Variants in PDSS1 observed in about 807,000 individuals in gnomAD.
PDSS1 encodes the protein all trans-polyprenyl-diphosphate synthase PDSS1.
A neutral mutation model predicts 57.5 loss-of-function variants in PDSS1; 43 were observed. The ratio of observed to expected loss-of-function variants is 0.75; its 90% CI spans 0.59 to 0.96. PDSS1 has a LOEUF of 0.96. Among genes scored for constraint, PDSS1 ranks in the 50% least tolerant of loss-of-function variants. The pLI, the probability that PDSS1 is intolerant of heterozygous loss-of-function variation, is 0.00. For synonymous variants in PDSS1, 175 were observed against 191.3 expected (o/e 0.91, Z 0.70); for missense variants, 438 against 527.8 (o/e 0.83, Z 1.67).
chr10:26,746,099 G>A, intron 11 of PDSS1, among the ~76,000 whole-genome samples: 1 of 152,130 alleles, frequency 6.6e-6, no homozygotes, highest in East Asian at 1.9e-4. Flanking sequence ...ATATTGATGA[G>A]CTAGTTGCTT....
chr10:26,709,738 G>A lies in PDSS1; in HGVS notation c.437G>A (p.Arg146Gln), dbSNP rs369956660. 25 of 1,613,966 alleles carry A rather than the reference G, an allele frequency of 1.5e-5. No individual in the cohort carries two copies. In the African/African-American group the frequency reaches 1.9e-4, roughly 12 times the overall value. The change falls in exon 5 of 12, where the codon CGA becomes CAA. Residue 146 changes from arginine to glutamine, a missense_variant. Coordinates refer to ENST00000376215, the MANE Select transcript of PDSS1 (RefSeq NM_014317.5). Reference sequence around the variant, plus strand: ...CCAATTATTGTGGCGCTAATGGCCCGAGCATGCAATATTCATCATAACAAC... The same window carrying A: ...CCAATTATTGTGGCGCTAATGGCCCAAGCATGCAATATTCATCATAACAAC... Reference protein sequence around the residue: ...FRPIIVALMARACNIHHNNSR... With the variant: ...FRPIIVALMAQACNIHHNNSR...
intron 1 of PDSS1, among the ~76,000 whole-genome samples, chr10:26,698,738 G>T (rs1309924063): frequency 5.3e-5 from 8 of 152,204 alleles, no homozygotes; most frequent in African/African-American, 1.9e-4. Context: ...ATGTGTCCGT[G>T]TTCTCATCAA....
At chr10:26,700,132 A>C (rs1834999853) in intron 1 of PDSS1, among the ~76,000 whole-genome samples, 2 of 151,954 alleles carry the variant, frequency 1.3e-5, no homozygotes, top group African/African-American at 4.8e-5. Flanking sequence ...TGTGCATGTG[A>C]TCGTGCCAAA....
At chr10:26,714,171 AG>A (rs1835484768) in intron 5 of PDSS1, among the ~76,000 whole-genome samples, 1 of 152,082 alleles carries the variant, frequency 6.6e-6, no homozygotes, top group Non-Finnish European at 1.5e-5. Flanking sequence ...TAAAGAACCC[AG>A]ATCAAAAAAG....
chr10:26,733,135 G>A (rs781222540), intron 8 of PDSS1, among the ~76,000 whole-genome samples: 5 of 152,144 alleles, frequency 3.3e-5, no homozygotes, highest in Non-Finnish European at 5.9e-5. Flanking sequence ...CAGGAAGAAA[G>A]CTTATAGTCT....
chr10:26,745,054 C>G (rs1365925311), intron 11 of PDSS1, among the ~76,000 whole-genome samples: 1 of 151,986 alleles, frequency 6.6e-6, no homozygotes, highest in African/African-American at 2.4e-5. Flanking sequence ...ATCCTAGCTA[C>G]TTAGGAGGCT....
At chr10:26,722,254 T>C (rs965200939) in intron 6 of PDSS1, among the ~76,000 whole-genome samples, 2 of 152,220 alleles carry the variant, frequency 1.3e-5, no homozygotes, top group East Asian at 3.8e-4. Flanking sequence ...TACATCAGGA[T>C]GTCTTACATA....
intron 1 of PDSS1, among the ~76,000 whole-genome samples, chr10:26,700,050 C>T (rs571447218): frequency 6.6e-6 from 1 of 152,316 alleles, no homozygotes; most frequent in Non-Finnish European, 1.5e-5. Flanking sequence ...AGCTCTACTA[C>T]CTCCTAATGG....
chr10:26,700,652 C>T (rs374987511), intron 1 of PDSS1, among the ~76,000 whole-genome samples: 12 of 151,998 alleles, frequency 7.9e-5, no homozygotes, highest in East Asian at 5.8e-4. Flanking sequence ...TGTCTCCTGC[C>T]GCCTTGTGAA....
At position 26,742,565 on chromosome 10, in the gene PDSS1, G is replaced by A; in HGVS notation, c.1095G>A (p.Gln365=). 1 of 1,604,600 alleles carries A rather than the reference G, an allele frequency of 6.2e-7. No individual in the cohort carries two copies. The highest frequency in any genetic ancestry group is 8.5e-7 in the Non-Finnish European group (1 of 1,171,802). The stretch of plus-strand genomic sequence containing the variant: ...CTGGAGATGTAGACAGAGCTCGACA[G>A]TATGTACTACAGGTAAGACTGTTTT... The part of the protein sequence containing the change: ...SLPGDVDRAR[Q]YVLQSDGVQQ... Residue 365 remains glutamine (Q), a synonymous_variant, in exon 11 of 12, where the codon CAG becomes CAA. Transcript: ENST00000376215.
intron 3 of PDSS1, among the ~76,000 whole-genome samples, chr10:26,705,018 G>C (rs959483703): frequency 6.6e-6 from 1 of 152,074 alleles, no homozygotes; most frequent in Non-Finnish European, 1.5e-5. Flanking sequence ...AATAAAGTTT[G>C]AGCTCAACCC....
chr10:26,714,373 G>A (rs1381549751), intron 5 of PDSS1, among the ~76,000 whole-genome samples: 1 of 151,970 alleles, frequency 6.6e-6, no homozygotes, highest in Non-Finnish European at 1.5e-5. Flanking sequence ...TACTCAGGAG[G>A]CTGGGGCAGG....
At chr10:26,722,030 T>C (rs1268724845) in intron 6 of PDSS1, among the ~76,000 whole-genome samples, 1 of 152,122 alleles carries the variant, frequency 6.6e-6, no homozygotes, top group Non-Finnish European at 1.5e-5. Flanking sequence ...AGCACTTCTT[T>C]CCTTTAACTC....
intron 5 of PDSS1, among the ~76,000 whole-genome samples, chr10:26,719,207 G>C (rs933133643): frequency 6.6e-6 from 1 of 152,070 alleles, no homozygotes; most frequent in Non-Finnish European, 1.5e-5. Flanking sequence ...TGGTTATTTC[G>C]CCAGTTTGAT....
chr10:26,745,828 A>AGAG (rs1274704635), intron 11 of PDSS1, among the ~76,000 whole-genome samples: 65 of 152,160 alleles, frequency 4.3e-4, no homozygotes, highest in Non-Finnish European at 3.8e-4. Context: ...CTTGGGTGAC[A>AGAG]GAGTGAGACC....
rs1316262436 is a variant in PDSS1, at chr10:26,745,540, A to G, written c.1108-793A>G. On this transcript the variant is annotated intron_variant, in intron 11 of 11. Coordinates refer to ENST00000376215, the MANE Select transcript of PDSS1 (RefSeq NM_014317.5). ...AAAAAGGTAACAGGTAATAACTAAA[A>G]TTGGTAATCAAGAAATAAAAACTAG... is the stretch of plus-strand genomic sequence containing the variant. Among the ~76,000 whole-genome samples, 86 of 152,228 alleles carry G rather than the reference A, an allele frequency of 5.6e-4. 1 individual carries two copies. Among genetic ancestry groups the G allele is most frequent in the Non-Finnish European group, 2.5e-4 (17 of 68,002 alleles).
At chr10:26,738,609 T>G (rs187820079) in intron 10 of PDSS1, among the ~76,000 whole-genome samples, 104 of 152,296 alleles carry the variant, frequency 6.8e-4, no homozygotes, top group African/African-American at 2.4e-3. Flanking sequence ...TCCTTTCCCT[T>G]TGGTAGGTGA....
intron 11 of PDSS1, among the ~76,000 whole-genome samples, chr10:26,744,848 T>C (rs1046034887): frequency 6.6e-6 from 1 of 152,088 alleles, no homozygotes; most frequent in Non-Finnish European, 1.5e-5. Flanking sequence ...TCAACCACAA[T>C]GTTAGGAATA....
Position 26,735,410 on chromosome 10 carries a change from A to G in PDSS1, c.913-56A>G, listed in dbSNP as rs1405189241. 1.1e-5 allele frequency: 15 copies of G among 1,391,818 alleles called. No individual in the cohort carries two copies. The Admixed American group carries it at 2.2e-4, about 20-fold the overall frequency. The allele number at this position is 1,391,818 out of a possible 1,614,324, so 86.2% of individuals were successfully genotyped here. A position where few individuals can be genotyped will look rare whatever the true frequency, so the allele number is the denominator to read the frequency against. Reference sequence around the variant, plus strand: ...TGTAATCGTCAAAATAGTAAGAACGATGGCAGCAGTGTTGGCATGGCGGTG... The same window carrying G: ...TGTAATCGTCAAAATAGTAAGAACGGTGGCAGCAGTGTTGGCATGGCGGTG... On this transcript the variant is annotated intron_variant, in intron 9 of 11. Transcript: ENST00000376215.
Sources: allele counts gnomAD v4.1 joint callset (sites outside exome capture counted in the v4.1 genomes callset), GRCh38; gene constraint gnomAD v4.1.1; transcripts MANE v1.5; gene names NCBI Gene and HGNC (gene_info 2026-07-23, HGNC 2026-07-21).